Variants in MARCHF4 observed in about 807,000 individuals in gnomAD.
The protein encoded by MARCHF4 is membrane associated ring-CH-type finger 4, also known as E3 ubiquitin-protein ligase MARCHF4.
MARCHF4 carries 14 observed loss-of-function variants against 43.9 expected under a neutral mutation model. The observed-to-expected ratio is 0.32, with a 90% CI of 0.21 to 0.50. The LOEUF (loss-of-function observed/expected upper bound fraction) is 0.50, where lower values mean the gene tolerates loss of function less well. Among genes scored for constraint, MARCHF4 ranks in the 20% least tolerant of loss-of-function variants. MARCHF4 has a pLI of 0.98. For missense variants in MARCHF4, 468 were observed against 536.7 expected (o/e 0.87, Z 1.27); for synonymous variants, 226 against 213.3 (o/e 1.06, Z -0.52).
intron 1 of MARCHF4, among the ~76,000 whole-genome samples, chr2:216,366,416 A>C (rs1692665899): frequency 6.6e-6 from 1 of 152,172 alleles, no homozygotes; most frequent in South Asian, 2.1e-4. Flanking sequence ...GCTCAACATG[A>C]ATGAATGGTG....
intron 1 of MARCHF4, among the ~76,000 whole-genome samples, chr2:216,349,407 A>C (rs867028687): frequency 6.6e-6 from 1 of 152,316 alleles, no homozygotes; most frequent in East Asian, 1.9e-4. Context: ...GCTAGGCACA[A>C]GGTTCTGTAT....
rs530775799 is a variant in MARCHF4, at chr2:216,264,005, G to C, written c.866-4326C>G. On this transcript the variant is annotated intron_variant, in intron 3 of 3. Transcript: ENST00000273067. ...TCCCACAGCTACTGAGGATCCAGGG[G>C]AGCAGCCGGCTTGGAGCAAACAGTA... Among the ~76,000 whole-genome samples the C allele has an allele frequency of 2.8e-4, 43 of 152,216 alleles. No homozygotes were observed. The South Asian group carries it at 8.7e-3, about 31-fold the overall frequency.
chr2:216,317,374 G>A (rs1691794758), intron 1 of MARCHF4, among the ~76,000 whole-genome samples: 1 of 152,126 alleles, frequency 6.6e-6, no homozygotes, highest in Non-Finnish European at 1.5e-5. Context: ...CCCATGAGGA[G>A]CCAATTTGGG....
chr2:216,285,156 C>A (rs1691198842), intron 1 of MARCHF4, among the ~76,000 whole-genome samples: 1 of 152,160 alleles, frequency 6.6e-6, no homozygotes, highest in African/African-American at 2.4e-5. Flanking sequence ...AAAAATAAAT[C>A]AAGTGTCTTC....
chr2:216,290,963 T>C (rs887844424), intron 1 of MARCHF4, among the ~76,000 whole-genome samples: 15 of 152,146 alleles, frequency 9.9e-5, no homozygotes, highest in African/African-American at 3.6e-4. Context: ...ACGTAAGTAC[T>C]GAGATACATG....
intron 1 of MARCHF4, among the ~76,000 whole-genome samples, chr2:216,298,493 TG>T (rs1234068744): frequency 6.6e-6 from 1 of 152,108 alleles, no homozygotes; most frequent in African/African-American, 2.4e-5. Flanking sequence ...CTCAAACTCC[TG>T]GGCTCAAGAG....
Position 216,287,152 on chromosome 2 carries a change from C to G in MARCHF4, c.517-3423G>C, listed in dbSNP as rs115197522. Among the ~76,000 whole-genome samples the G allele has an allele frequency of 1.9e-3, 287 of 152,272 alleles. 2 individuals carry two copies. The highest frequency in any genetic ancestry group is 6.8e-3 in the African/African-American group (283 of 41,554). On this transcript the variant is annotated intron_variant, in intron 1 of 3. Coordinates refer to ENST00000273067, the MANE Select transcript of MARCHF4 (RefSeq NM_020814.3). ...TTCCTGGCCCAGCTCAGACCCTCAG[C>G]CAAGTCTCCCACCATCATCCACAGT...
intron 1 of MARCHF4, among the ~76,000 whole-genome samples, chr2:216,330,494 AAAAC>A (rs1279903802): frequency 6.6e-6 from 1 of 152,214 alleles, no homozygotes; most frequent in East Asian, 1.9e-4. Context: ...AAAGATCTGA[AAAAC>A]AAAATTGACA....
chr2:216,319,983 A>G (rs1691853651), intron 1 of MARCHF4, among the ~76,000 whole-genome samples: 1 of 152,094 alleles, frequency 6.6e-6, no homozygotes, highest in African/African-American at 2.4e-5. Flanking sequence ...TGCTCCTCCA[A>G]TCTGGATGTT....
intron 1 of MARCHF4, among the ~76,000 whole-genome samples, chr2:216,286,360 G>A (rs1038999007): frequency 2.0e-5 from 3 of 152,030 alleles, no homozygotes; most frequent in Non-Finnish European, 2.9e-5. Flanking sequence ...CCAACATGGC[G>A]AAACCCCATC....
At position 216,259,647 on chromosome 2, in the gene MARCHF4, G is replaced by A. The variant is rs774007024; in HGVS notation, c.898C>T (p.Arg300Cys). 15 of 1,614,028 alleles carry A rather than the reference G, an allele frequency of 9.3e-6. No homozygotes were observed. Among genetic ancestry groups the A allele is most frequent in the African/African-American group, 1.3e-5 (1 of 74,916 alleles). ...ACAGCCTGCCACCGTTTAAAGATGC[G>A]GTACACCGAGGGTCCTTCATGGATG... ...LIIHEGPSVY[R>C]IFKRWQAVNQ... The change falls in exon 4 of 4, where the codon CGC (arginine) becomes TGC (cysteine). Residue 300 changes from arginine (R) to cysteine (C), a missense_variant. By Grantham distance (180) the Arg-to-Cys change is radical. This residue lies in a region of MARCHF4 where 158 missense variants were observed against 251.1 expected (regional missense o/e 0.63). Coordinates refer to ENST00000273067, the MANE Select transcript of MARCHF4 (RefSeq NM_020814.3).
chr2:216,359,171 T>C (rs566068966), intron 1 of MARCHF4, among the ~76,000 whole-genome samples: 5 of 152,130 alleles, frequency 3.3e-5, no homozygotes, highest in Non-Finnish European at 4.4e-5. Context: ...AGCTATCCCA[T>C]ATAGGACTCA....
chr2:216,340,186 G>A (rs1559103389), intron 1 of MARCHF4, among the ~76,000 whole-genome samples: 1 of 152,174 alleles, frequency 6.6e-6, no homozygotes, highest in Non-Finnish European at 1.5e-5. Context: ...CACAAAGCCT[G>A]CTGCCAGATT....
Position 216,370,219 on chromosome 2 carries a change from G to GCAC in MARCHF4, c.39_41dup (p.Trp13dup), listed in dbSNP as rs761601556. 6.2e-7 allele frequency: 1 copy of GCAC among 1,610,452 alleles called. No individual in the cohort carries two copies. Among genetic ancestry groups the GCAC allele is most frequent in the Non-Finnish European group, 8.5e-7 (1 of 1,177,642 alleles). On this transcript the variant is annotated inframe_insertion, in exon 1 of 4. Coordinates refer to ENST00000273067, the MANE Select transcript of MARCHF4 (RefSeq NM_020814.3). ...CATAGCAGTACCAGCCGGAGCAGCAGCACCACCACCACCAGAGCAGCCCAC... is the reference window on the plus strand; with the variant it reads ...CATAGCAGTACCAGCCGGAGCAGCAGCACCACCACCACCACCAGAGCAGCCCAC...
At chr2:216,325,431 C>A (rs1262691412) in intron 1 of MARCHF4, among the ~76,000 whole-genome samples, 1 of 152,154 alleles carries the variant, frequency 6.6e-6, no homozygotes, top group Admixed American at 6.5e-5. Flanking sequence ...CATCAAGCTA[C>A]CAATGACTTT....
intron 3 of MARCHF4, among the ~76,000 whole-genome samples, chr2:216,275,435 G>A (rs1691003901): frequency 6.6e-6 from 1 of 152,208 alleles, no homozygotes; most frequent in East Asian, 1.9e-4. Flanking sequence ...GGTGGCATCT[G>A]TAGGTTTTCC....
chr2:216,326,858 G>A (rs1293399909), intron 1 of MARCHF4, among the ~76,000 whole-genome samples: 2 of 151,708 alleles, frequency 1.3e-5, no homozygotes, highest in East Asian at 1.9e-4. Context: ...TATACCTAAT[G>A]CTAGATGACG....
chr2:216,283,780 G>A lies in MARCHF4; in HGVS notation c.517-51C>T, dbSNP rs1691173659. 3 of 1,518,308 alleles carry A rather than the reference G, an allele frequency of 2.0e-6. 1 individual carries two copies. Among genetic ancestry groups the A allele is most frequent in the South Asian group, 2.5e-5 (2 of 80,368 alleles). The allele number at this position is 1,518,308 out of a possible 1,614,324, so 94.1% of individuals were successfully genotyped here. On this transcript the variant is annotated intron_variant, in intron 1 of 3. Transcript: ENST00000273067. ...GAGGCTGAGACCTACAGTGGCTGGT[G>A]GGTGAGTGATGGGCGGGAGGGTGGC...
At chr2:216,288,201 A>T (rs1271114585) in intron 1 of MARCHF4, among the ~76,000 whole-genome samples, 1 of 152,218 alleles carries the variant, frequency 6.6e-6, no homozygotes, top group Non-Finnish European at 1.5e-5. Context: ...CTAGGCTTAA[A>T]TGATCCTCCG....
Sources: gnomAD v4.1 joint callset for allele counts (sites outside exome capture counted in the v4.1 genomes callset) on GRCh38, gnomAD v4.1.1 for gene constraint, gnomAD v4.1.1 regional missense constraint, MANE v1.5 for transcripts, NCBI Gene and HGNC (gene_info 2026-07-23, HGNC 2026-07-21) for gene names.